C3orf52: variants seen among roughly 807,000 people sequenced by gnomAD.
The protein encoded by C3orf52 is chromosome 3 open reading frame 52.
C3orf52 carries 22 observed loss-of-function variants against 24.8 expected under a neutral mutation model. The observed-to-expected ratio is 0.89, with a 90% CI of 0.63 to 1.27. The LOEUF is 1.27. Ranked by LOEUF, C3orf52 falls within the 50% of genes most tolerant of loss-of-function variation. The probability of loss-of-function intolerance (pLI) is 0.00; values close to 1 mark genes in which losing one functional copy is unlikely to be tolerated. For synonymous variants in C3orf52, 93 were observed against 100.2 expected (o/e 0.93, Z 0.43); for missense variants, 265 against 260.7 (o/e 1.02, Z -0.11).
At chr3:112,111,149 C>T (rs772259243) in intron 4 of C3orf52, among the ~76,000 whole-genome samples, 7 of 152,184 alleles carry the variant, frequency 4.6e-5, no homozygotes, top group Non-Finnish European at 5.9e-5. Flanking sequence ...TCGCAGGTTG[C>T]AGTGAGCTGA....
At chr3:112,118,967 G>A (rs1359711154), downstream of C3orf52, among the ~76,000 whole-genome samples, 1 of 152,166 alleles carries the variant, frequency 6.6e-6, no homozygotes, top group Non-Finnish European at 1.5e-5. Flanking sequence ...TGTGTTTTAT[G>A]GAAGGCTATG....
At chr3:112,120,908 T>A (rs981654191), downstream of C3orf52, 1 of 152,190 alleles carries the variant, frequency 6.6e-6, no homozygotes, top group Non-Finnish European at 1.5e-5. Context: ...ATTACACTCA[T>A]ATCAGAATTT....
At chr3:112,114,259 C>T (rs1224335675) in intron 5 of C3orf52, among the ~76,000 whole-genome samples, 1 of 152,030 alleles carries the variant, frequency 6.6e-6, no homozygotes, top group African/African-American at 2.4e-5. Context: ...CTTAAGAATG[C>T]CATTCAGAAG....
intron 4 of C3orf52, chr3:112,128,200 ATC>A: frequency 1.4e-6 from 1 of 738,468 alleles, no homozygotes; most frequent in Admixed American, 2.0e-5. Flanking sequence ...ACTTGGACAC[ATC>A]TCTCATGGTA....
At chr3:112,124,940 C>T (rs2074279987) in intron 4 of C3orf52, among the ~76,000 whole-genome samples, 3 of 152,236 alleles carry the variant, frequency 2.0e-5, no homozygotes, top group South Asian at 2.1e-4. Context: ...CAAGGGTTGT[C>T]GTTTTAGCTA....
chr3:112,102,795 G>A lies in C3orf52; in HGVS notation c.269-43G>A, dbSNP rs545126644. Reference sequence around the variant, plus strand: ...AATAAGTTTATTATTATATGCAGGTGTTTACTTTTGTTTTTCATTTCCACC... The same window carrying A: ...AATAAGTTTATTATTATATGCAGGTATTTACTTTTGTTTTTCATTTCCACC... On this transcript the variant is annotated intron_variant, in intron 2 of 5. Coordinates refer to ENST00000264848, the MANE Select transcript of C3orf52 (RefSeq NM_024616.3). 9 of 1,506,690 alleles carry A rather than the reference G, an allele frequency of 6.0e-6. No homozygotes were observed. The Admixed American group carries it at 9.1e-5, about 15-fold the overall frequency. 93.3% of individuals were successfully genotyped at this position (1,506,690 alleles called of 1,614,324 possible).
chr3:112,110,523 T>C (rs1440775500), intron 4 of C3orf52, among the ~76,000 whole-genome samples: 1 of 152,236 alleles, frequency 6.6e-6, no homozygotes, highest in Admixed American at 6.5e-5. Flanking sequence ...CCACAAATAC[T>C]ACACACACAT....
exon 5 of C3orf52, chr3:112,128,676 A>G (rs2074385081): frequency 5.9e-6 from 1 of 169,486 alleles, no homozygotes; most frequent in Admixed American, 5.5e-5. Flanking sequence ...GGACAGGACA[A>G]CCCTGGTGCA....
intron 4 of C3orf52, among the ~76,000 whole-genome samples, chr3:112,126,612 G>A (rs2107805141): frequency 6.6e-6 from 1 of 152,250 alleles, no homozygotes; most frequent in South Asian, 2.1e-4. Context: ...AGTATCTCCT[G>A]CAGCTGTCAG....
intron 3 of C3orf52, among the ~76,000 whole-genome samples, chr3:112,104,624 A>T (rs749742575): frequency 6.6e-6 from 1 of 151,614 alleles, no homozygotes; most frequent in Non-Finnish European, 1.5e-5. Context: ...TAGATTGTTT[A>T]AATTTATTTA....
In C3orf52 at chr3:112,113,014, A is replaced by G. The variant is rs370589400; in HGVS notation, c.518A>G (p.Asp173Gly). The change falls in exon 5 of 6, where the codon GAT (aspartate) becomes GGT (glycine). Residue 173 changes from aspartate to glycine, a missense_variant. Coordinates refer to ENST00000264848, the MANE Select transcript of C3orf52 (RefSeq NM_024616.3). ...TYDLQFGVPSDDENFMKYMMS... is the reference protein window; with the variant it reads ...TYDLQFGVPSGDENFMKYMMS... Reference sequence around the variant, plus strand: ...GACCTGCAATTTGGGGTTCCATCAGATGATGAAAATTTTATGAAGTATATG... The same window carrying G: ...GACCTGCAATTTGGGGTTCCATCAGGTGATGAAAATTTTATGAAGTATATG... 6.2e-7 allele frequency: 1 copy of G among 1,608,838 alleles called. No homozygotes were observed. The highest frequency in any genetic ancestry group is 8.5e-7 in the Non-Finnish European group (1 of 1,177,526).
chr3:112,132,504 A>G (rs142895263), downstream of C3orf52: 430 of 253,484 alleles, frequency 1.7e-3, 1 homozygote, highest in Non-Finnish European at 2.5e-3. Flanking sequence ...GTCAGGCACT[A>G]TGCTAGCACA....
At chr3:112,120,442 A>G (rs750553355), downstream of C3orf52, among the ~76,000 whole-genome samples, 6 of 152,004 alleles carry the variant, frequency 3.9e-5, no homozygotes, top group Admixed American at 6.5e-5. Context: ...CCCTCTTCCT[A>G]TTTTTCTCTT....
At chr3:112,135,608 T>C (rs1404660070), downstream of C3orf52, among the ~76,000 whole-genome samples, 1 of 136,526 alleles carries the variant, frequency 7.3e-6, no homozygotes, top group African/African-American at 2.5e-5. Context: ...TTATTGATCA[T>C]TCACTTTTCT....
rs569418289 is a variant in C3orf52, at chr3:112,126,907, G to C, written c.*47-1326G>C. 45 of 966,192 alleles carry C rather than the reference G, an allele frequency of 4.7e-5. No individual in the cohort carries two copies. The African/African-American group carries it at 5.7e-4, about 12-fold the overall frequency. 59.9% of individuals were successfully genotyped at this position (966,192 alleles called of 1,614,324 possible). On this transcript the variant is annotated intron_variant, in intron 4 of 4. Transcript: ENST00000480282. ...ATTGTAATTGAAATATGCCTAAGGGGCTTTGGGAACATAGAGAAGAAGTAG... is the reference window on the plus strand; with the variant it reads ...ATTGTAATTGAAATATGCCTAAGGGCCTTTGGGAACATAGAGAAGAAGTAG...
chr3:112,112,889 A>AT, intron 4 of C3orf52, 75 bp from the exon 5 acceptor site: 12 of 1,188,948 alleles, frequency 1.0e-5, no homozygotes, highest in South Asian at 2.6e-5. Flanking sequence ...AAAAAAAAAA[A>AT]GTTATTGCTT....
intron 4 of C3orf52, chr3:112,111,945 C>T (rs899011567): frequency 6.6e-6 from 1 of 152,224 alleles, no homozygotes; most frequent in African/African-American, 2.4e-5. Flanking sequence ...TTGTCAGCCA[C>T]CTTGTAAGAT....
At chr3:112,098,307 A>G (rs2107778750) in intron 2 of C3orf52, among the ~76,000 whole-genome samples, 1 of 152,270 alleles carries the variant, frequency 6.6e-6, no homozygotes, top group African/African-American at 2.4e-5. Flanking sequence ...TACTCTTCTG[A>G]GTCTATAGAA....
At chr3:112,093,865 A>C (rs1191925445) in intron 2 of C3orf52, among the ~76,000 whole-genome samples, 1 of 152,234 alleles carries the variant, frequency 6.6e-6, no homozygotes, top group Non-Finnish European at 1.5e-5. Context: ...GCTAAAAATA[A>C]TTATACTTCA....
Sources: allele counts gnomAD v4.1 joint callset (sites outside exome capture counted in the v4.1 genomes callset), GRCh38; gene constraint gnomAD v4.1.1; transcripts MANE v1.5; gene names NCBI Gene and HGNC (gene_info 2026-07-23, HGNC 2026-07-21).